The following SPNS2 variants were observed in gnomAD, a reference collection of about 807,000 sequenced individuals.
The protein encoded by SPNS2 is sphingosine-1-phosphate transporter SPNS2.
Under a neutral mutation model 57.6 loss-of-function variants are expected in SPNS2, and 37 were observed. That is an observed-to-expected ratio of 0.64 (90% CI 0.49 to 0.85). The LOEUF (loss-of-function observed/expected upper bound fraction) is 0.85. SPNS2 is among the 40% of genes least tolerant of loss of function. The pLI is 0.00. For synonymous variants in SPNS2, 440 were observed against 346.9 expected (o/e 1.27, Z -2.98); for missense variants, 831 against 779.1 (o/e 1.07, Z -0.79).
Position 4,536,934 on chromosome 17 carries a change from A to G in SPNS2, c.1642A>G (p.Lys548Glu), listed in dbSNP as rs1455919372. 1.9e-6 allele frequency: 3 copies of G among 1,613,672 alleles called. No homozygotes were observed. Among genetic ancestry groups the G allele is most frequent in the Non-Finnish European group, 2.5e-6 (3 of 1,179,806 alleles). The change falls in exon 12 of 13, where the codon AAA (lysine) becomes GAA (glutamate). Residue 548 changes from lysine (K) to glutamate (E), a missense_variant. This residue lies in a region of SPNS2 where 526 missense variants were observed against 400.9 expected (regional missense o/e 1.31). Coordinates refer to ENST00000329078, the MANE Select transcript of SPNS2 (RefSeq NM_001124758.3). The stretch of plus-strand genomic sequence containing the variant: ...GCTGGCGATGCCGCCCGCATCTGTG[A>G]AAGTCTGAGGTGGTGAGTGCAGGCC... Reference protein sequence around the residue: ...NQLAMPPASVKV With the variant: ...NQLAMPPASVEV
chr17:4,536,657 T>G, intron 11 of SPNS2: 1 of 668,750 alleles, frequency 1.5e-6, no homozygotes, highest in Non-Finnish European at 2.5e-6. Context: ...TCTCTGGACT[T>G]AGTGGTTTTC....
At chr17:4,536,763 C>A in intron 11 of SPNS2, 137 bp from the exon 12 acceptor site, 1 of 734,250 alleles carries the variant, frequency 1.4e-6, no homozygotes, top group Non-Finnish European at 2.4e-6. Flanking sequence ...TGGGCTCTCC[C>A]ATCTCCCCCT....
Position 4,512,763 on chromosome 17 carries a change from T to G in SPNS2, c.371-484T>G, listed in dbSNP as rs1445233249. On this transcript the variant is annotated intron_variant, in intron 1 of 12. Coordinates refer to ENST00000329078, the MANE Select transcript of SPNS2 (RefSeq NM_001124758.3). The surrounding 1 kb of genome is among the most constrained non-coding windows in gnomAD (Gnocchi z 5.2). The stretch of plus-strand genomic sequence containing the variant: ...GTGCATGTACAGGTGTGTGCGTGTG[T>G]GTGCGAATGTGGTTGTGCACATGTG... Among the ~76,000 whole-genome samples the G allele has an allele frequency of 6.6e-6, 1 of 152,096 alleles. No individual in the cohort carries two copies. The highest frequency in any genetic ancestry group is 6.5e-5 in the Admixed American group (1 of 15,274).
chr17:4,510,630 G>A lies in SPNS2; in HGVS notation c.371-2617G>A, dbSNP rs753073624. Among the ~76,000 whole-genome samples the A allele has an allele frequency of 2.0e-5, 3 of 152,248 alleles. No individual in the cohort carries two copies. Among genetic ancestry groups the A allele is most frequent in the East Asian group, 1.9e-4 (1 of 5,180 alleles). The stretch of plus-strand genomic sequence containing the variant: ...TGGAACCTGCAGTTACTGCAGACCC[G>A]TGTCCCTCCTCTGGACTATGGATGG... On this transcript the variant is annotated intron_variant, in intron 1 of 12. Coordinates refer to ENST00000329078, the MANE Select transcript of SPNS2 (RefSeq NM_001124758.3). The surrounding 1 kb of genome is among the most constrained non-coding windows in gnomAD (Gnocchi z 4.4).
intron 1 of SPNS2, among the ~76,000 whole-genome samples, chr17:4,501,329 G>T (rs1172948223): frequency 6.6e-6 from 1 of 151,864 alleles, no homozygotes; most frequent in East Asian, 1.9e-4. Flanking sequence ...AGCCAGAGAG[G>T]GTGGGATCAG....
chr17:4,533,679 G>GT (rs1382644575), intron 8 of SPNS2, 109 bp from the exon 9 acceptor site: 2 of 1,282,446 alleles, frequency 1.6e-6, no homozygotes, highest in African/African-American at 2.9e-5. Flanking sequence ...CCCGGGAGGG[G>GT]TGTGAGGTTT....
At position 4,536,376 on chromosome 17, in the gene SPNS2, C is replaced by T. The variant is rs1276296847; in HGVS notation, c.1557C>T (p.Phe519=). 6.2e-7 allele frequency: 1 copy of T among 1,608,816 alleles called. No homozygotes were observed. The highest frequency in any genetic ancestry group is 8.5e-7 in the Non-Finnish European group (1 of 1,179,900). The change falls in exon 11 of 13, where the codon TTC becomes TTT. Residue 519 remains phenylalanine (F), a synonymous_variant. Coordinates refer to ENST00000329078, the MANE Select transcript of SPNS2 (RefSeq NM_001124758.3). ...PFVVVLGGMF[F]LATALFFVSD... is the part of the protein sequence containing the mutation. ...TCGTGGTCCTGGGCGGCATGTTCTT[C>T]CTCGCCACTGCGCTCTTCTTCGTCA...
chr17:4,498,933 G>T lies in SPNS2; in HGVS notation c.-115G>T. 1 of 577,600 alleles carries T rather than the reference G, an allele frequency of 1.7e-6. No individual in the cohort carries two copies. The highest frequency in any genetic ancestry group is 2.2e-6 in the Non-Finnish European group (1 of 457,844). 35.8% of individuals were successfully genotyped at this position (577,600 alleles called of 1,614,324 possible). ...CAGCCGGGGCCGGAGCGCAGGAGCC[G>T]ACGGGGCCCGACCAGGATGGTGCAG... On this transcript the variant is annotated 5_prime_UTR_variant, in exon 1 of 13. Transcript: ENST00000329078.
Position 4,536,246 on chromosome 17 carries a change from C to T in SPNS2, c.1444-17C>T, listed in dbSNP as rs768756207. On this transcript the variant is annotated splice_polypyrimidine_tract_variant and intron_variant, in intron 10 of 12. Transcript: ENST00000329078. The stretch of plus-strand genomic sequence containing the variant: ...CAGGAGGGCTCTGCCCTGACATCCA[C>T]CCCCAAATCCTCGCAGATCTCAGAC... The T allele has an allele frequency of 6.8e-6, 11 of 1,610,302 alleles. No individual in the cohort carries two copies. Among genetic ancestry groups the T allele is most frequent in the African/African-American group, 5.3e-5 (4 of 74,838 alleles).
chr17:4,516,052 G>A (rs1244068180), intron 2 of SPNS2, among the ~76,000 whole-genome samples: 2 of 152,158 alleles, frequency 1.3e-5, no homozygotes, highest in African/African-American at 4.8e-5. Context: ...TATGGCTTAC[G>A]CCTATAATCC....
intron 5 of SPNS2, among the ~76,000 whole-genome samples, chr17:4,532,205 C>T (rs975467485): frequency 6.6e-6 from 1 of 152,100 alleles, no homozygotes; most frequent in African/African-American, 2.4e-5. Context: ...TATCTCTGTC[C>T]ATCTCTCCAT....
At chr17:4,526,068 G>A (rs1033743709) in intron 3 of SPNS2, among the ~76,000 whole-genome samples, 15 of 152,216 alleles carry the variant, frequency 9.9e-5, no homozygotes, top group African/African-American at 2.2e-4. Context: ...CCCAGGCTTC[G>A]GGGTAGGAAG....
chr17:4,532,484 C>T (rs1905531027), intron 5 of SPNS2, 58 bp from the exon 6 acceptor site: 3 of 1,612,962 alleles, frequency 1.9e-6, no homozygotes, highest in South Asian at 2.2e-5. Flanking sequence ...GTCCCTCCTT[C>T]TGCAGCAGGG....
chr17:4,531,156 G>C (rs771934379), intron 5 of SPNS2, 37 bp downstream of exon 5: 5 of 1,603,734 alleles, frequency 3.1e-6, no homozygotes, highest in Non-Finnish European at 4.3e-6. Context: ...GACACCCTCC[G>C]GTCCAGACCT....
At position 4,532,995 on chromosome 17, in the gene SPNS2, C is replaced by T; in HGVS notation, c.954C>T (p.Ser318=). 6 of 1,612,768 alleles carry T rather than the reference C, an allele frequency of 3.7e-6. No individual in the cohort carries two copies. The highest frequency in any genetic ancestry group is 4.2e-6 in the Non-Finnish European group (5 of 1,179,660). The change falls in exon 7 of 13, where the codon TCC becomes TCT. Residue 318 remains serine (S), a synonymous_variant. Coordinates refer to ENST00000329078, the MANE Select transcript of SPNS2 (RefSeq NM_001124758.3). The part of the protein sequence containing the change: ...ALIRNRSYVF[S]SLATSAVSFA... ...TCCCCAGCCGCAGCTACGTCTTCTC[C>T]TCCCTGGCCACGTCGGCTGTCTCCT...
chr17:4,520,231 G>A (rs973462805), intron 2 of SPNS2, among the ~76,000 whole-genome samples: 1 of 152,228 alleles, frequency 6.6e-6, no homozygotes, highest in Non-Finnish European at 1.5e-5. Context: ...TGGGGCCGGT[G>A]GGTGGGGACG....
intron 8 of SPNS2, 151 bp downstream of exon 8, chr17:4,533,583 C>A (rs756667007): frequency 5.5e-5 from 56 of 1,026,516 alleles, no homozygotes; most frequent in Non-Finnish European, 7.9e-5. Context: ...CCAGCCTGGC[C>A]ACACACAGCC....
rs1028827029 is a variant in SPNS2 at position 4,511,094 on chromosome 17, G to A, written c.371-2153G>A. 2.0e-5 allele frequency among the ~76,000 whole-genome samples: 3 copies of A among 152,176 alleles called. No individual in the cohort carries two copies. Among genetic ancestry groups the A allele is most frequent in the Non-Finnish European group, 2.9e-5 (2 of 68,038 alleles). On this transcript the variant is annotated intron_variant, in intron 1 of 12. Coordinates refer to ENST00000329078, the MANE Select transcript of SPNS2 (RefSeq NM_001124758.3). The surrounding 1 kb of genome is among the most constrained non-coding windows in gnomAD (Gnocchi z 4.6). ...AGTTCCTTGGAACTTAGCGGGAAGC[G>A]GTAACTAGCGGCTCTCAGCTCAGGA... is the stretch of plus-strand genomic sequence containing the variant.
At chr17:4,513,916 C>A (rs1002154554) in intron 2 of SPNS2, among the ~76,000 whole-genome samples, 4 of 152,230 alleles carry the variant, frequency 2.6e-5, no homozygotes, top group African/African-American at 9.6e-5. Context: ...GATGGGCTGC[C>A]AGAGCAGGGC....
Sources: gnomAD v4.1 joint callset for allele counts (sites outside exome capture counted in the v4.1 genomes callset) on GRCh38, gnomAD v4.1.1 for gene constraint, gnomAD v4.1.1 regional missense constraint, Gnocchi (gnomAD v3.1) non-coding constraint, MANE v1.5 for transcripts, NCBI Gene and HGNC (gene_info 2026-07-23, HGNC 2026-07-21) for gene names.